CAB39: variants seen among roughly 807,000 people sequenced by gnomAD.
CAB39 encodes calcium binding protein 39.
In CAB39, 8 loss-of-function variants were observed where a neutral mutation model predicts 40.0. That is an observed-to-expected ratio of 0.20 (90% CI 0.12 to 0.36). The LOEUF (loss-of-function observed/expected upper bound fraction) is 0.36, where lower values mean the gene tolerates loss of function less well. Ranked by LOEUF, CAB39 falls within the 10% of genes least tolerant of loss-of-function variation. The pLI is 1.00. For synonymous variants in CAB39, 156 were observed against 141.6 expected (o/e 1.10, Z -0.72); for missense variants, 270 against 401.1 (o/e 0.67, Z 2.79).
chr2:230,743,525 A>C (rs1694919884), intron 1 of CAB39, among the ~76,000 whole-genome samples: 1 of 152,224 alleles, frequency 6.6e-6, no homozygotes, highest in Non-Finnish European at 1.5e-5. Flanking sequence ...GTTATTGATA[A>C]AAATATTGAA....
chr2:230,786,957 G>A (rs989634739), intron 2 of CAB39, among the ~76,000 whole-genome samples: 4 of 152,176 alleles, frequency 2.6e-5, no homozygotes, highest in Admixed American at 6.5e-5. Flanking sequence ...AGGCATTACC[G>A]ATAATGAAGT....
At chr2:230,795,262 C>G (rs933966229) in intron 4 of CAB39, among the ~76,000 whole-genome samples, 4 of 135,114 alleles carry the variant, frequency 3.0e-5, no homozygotes, top group East Asian at 2.1e-4. Flanking sequence ...GGTGACAGAG[C>G]AAGACTTGAT....
chr2:230,752,082 CAGA>C, intron 1 of CAB39: 1 of 115,206 alleles, frequency 8.7e-6, no homozygotes, highest in Non-Finnish European at 1.6e-5. Context: ...TAGAAACTAG[CAGA>C]AGGATATGCT....
intron 2 of CAB39, among the ~76,000 whole-genome samples, chr2:230,780,067 A>C (rs1363661550): frequency 6.6e-6 from 1 of 152,120 alleles, no homozygotes; most frequent in Non-Finnish European, 1.5e-5. Flanking sequence ...GTCCAGTAAG[A>C]CCCAACAGGT....
intron 1 of CAB39, among the ~76,000 whole-genome samples, chr2:230,750,506 A>G (rs1478765565): frequency 6.6e-6 from 1 of 152,072 alleles, no homozygotes; most frequent in Admixed American, 6.5e-5. Flanking sequence ...AATTACCCCA[A>G]ATTTCAACTG....
intron 2 of CAB39, among the ~76,000 whole-genome samples, chr2:230,760,834 G>A (rs554375630): frequency 1.6e-3 from 243 of 152,250 alleles, no homozygotes; most frequent in African/African-American, 5.7e-3. Context: ...TTATGATTCA[G>A]TTCTGACTTC....
chr2:230,738,448 A>G (rs1249643933), intron 1 of CAB39, among the ~76,000 whole-genome samples: 4 of 152,232 alleles, frequency 2.6e-5, no homozygotes, highest in Admixed American at 2.0e-4. Context: ...GTTTAGCCTC[A>G]TTATTTCATC....
intron 5 of CAB39, among the ~76,000 whole-genome samples, chr2:230,809,243 A>G (rs1696260973): frequency 6.6e-6 from 1 of 152,152 alleles, no homozygotes; most frequent in South Asian, 2.1e-4. Context: ...TTGCTTGACC[A>G]TGGGACATTT....
In CAB39 at chr2:230,727,199, T is replaced by G. The variant is rs1694595198; in HGVS notation, c.-44+13969T>G. 4.6e-5 allele frequency among the ~76,000 whole-genome samples: 7 copies of G among 151,628 alleles called. No homozygotes were observed. In the South Asian group the frequency reaches 1.5e-3, roughly 31 times the overall value. On this transcript the variant is annotated intron_variant, in intron 1 of 8. Coordinates refer to ENST00000258418, the MANE Select transcript of CAB39 (RefSeq NM_016289.4). The stretch of plus-strand genomic sequence containing the variant: ...TAAGAAGTAGAACACTTGAATAGAT[T>G]GTTAACCATATTTAATAATATATGT...
At chr2:230,805,059 A>G (rs1165733657) in intron 5 of CAB39, among the ~76,000 whole-genome samples, 2 of 147,228 alleles carry the variant, frequency 1.4e-5, no homozygotes, top group African/African-American at 2.7e-5. Context: ...ATGGAATACT[A>G]TGCAGCCTTA....
At chr2:230,793,439 G>A (rs1695925207) in intron 4 of CAB39, 108 bp downstream of exon 4, 4 of 495,984 alleles carry the variant, frequency 8.1e-6, no homozygotes, top group Non-Finnish European at 1.4e-5. Context: ...TCTGTAGTTA[G>A]ATAATTTTTC....
rs183465824 is a variant in CAB39 at position 230,737,586 on chromosome 2, T to C, written c.-43-22373T>C. On this transcript the variant is annotated intron_variant, in intron 1 of 8. Coordinates refer to ENST00000258418, the MANE Select transcript of CAB39 (RefSeq NM_016289.4). ...AGATTACAGAGCGCTGTCACGAATA[T>C]TTTGTTTAGTCCTCACATTAACTTG... 2.8e-3 allele frequency among the ~76,000 whole-genome samples: 420 copies of C among 152,300 alleles called. 2 individuals carry two copies. Among genetic ancestry groups the C allele is most frequent in the Non-Finnish European group, 2.7e-3 (186 of 68,014 alleles).
At chr2:230,720,170 T>C (rs1694421576) in intron 1 of CAB39, among the ~76,000 whole-genome samples, 1 of 152,192 alleles carries the variant, frequency 6.6e-6, no homozygotes, top group Non-Finnish European at 1.5e-5. Flanking sequence ...TTGTGTGTTT[T>C]AGGGGAAGGA....
chr2:230,807,972 C>T (rs950219158), intron 5 of CAB39, among the ~76,000 whole-genome samples: 4 of 152,148 alleles, frequency 2.6e-5, no homozygotes, highest in African/African-American at 7.2e-5. Flanking sequence ...GACAGGGATC[C>T]TGACACTTGA....
intron 7 of CAB39, among the ~76,000 whole-genome samples, chr2:230,814,765 TA>T (rs1354311132): frequency 1.3e-5 from 2 of 152,192 alleles, no homozygotes; most frequent in East Asian, 3.8e-4. Flanking sequence ...CTGCAAAGTC[TA>T]AAATATTTAC....
chr2:230,770,997 A>G (rs563964564), intron 2 of CAB39, among the ~76,000 whole-genome samples: 1 of 152,342 alleles, frequency 6.6e-6, no homozygotes, highest in African/African-American at 2.4e-5. Flanking sequence ...AGGGATATCT[A>G]CTTTCACCAC....
At chr2:230,774,706 G>A (rs1695555112) in intron 2 of CAB39, among the ~76,000 whole-genome samples, 1 of 152,150 alleles carries the variant, frequency 6.6e-6, no homozygotes, top group Non-Finnish European at 1.5e-5. Flanking sequence ...TTTTAAGAGG[G>A]GGGAAAGGGA....
chr2:230,723,148 AAAAT>A (rs1694486584), intron 1 of CAB39, among the ~76,000 whole-genome samples: 1 of 152,184 alleles, frequency 6.6e-6, no homozygotes, highest in Non-Finnish European at 1.5e-5. Context: ...TTAAAATAAA[AAAAT>A]AAAAGTTACT....
At chr2:230,722,601 T>C (rs1189961132) in intron 1 of CAB39, among the ~76,000 whole-genome samples, 1 of 152,274 alleles carries the variant, frequency 6.6e-6, no homozygotes, top group Non-Finnish European at 1.5e-5. Flanking sequence ...CTTTCTCATT[T>C]GTAACATAGC....
Sources: gnomAD v4.1 joint callset for allele counts (sites outside exome capture counted in the v4.1 genomes callset) on GRCh38, gnomAD v4.1.1 for gene constraint, MANE v1.5 for transcripts, NCBI Gene and HGNC (gene_info 2026-07-23, HGNC 2026-07-21) for gene names.